The following DGKB variants were observed in gnomAD, a reference collection of about 807,000 sequenced individuals.
DGKB encodes the protein diacylglycerol kinase beta, also known as 90 kDa diacylglycerol kinase.
A neutral mutation model predicts 114.3 loss-of-function variants in DGKB; 67 were observed. The ratio of observed to expected loss-of-function variants is 0.59; its 90% CI spans 0.48 to 0.72. The LOEUF (loss-of-function observed/expected upper bound fraction) is 0.72, where lower values mean the gene tolerates loss of function less well. Ranked by LOEUF, DGKB falls within the 30% of genes least tolerant of loss-of-function variation. DGKB has a pLI of 0.00. For missense variants in DGKB, 907 were observed against 975.2 expected, an observed-to-expected ratio of 0.93 and a Z score of 0.93; for synonymous variants, 398 against 323.1, an observed-to-expected ratio of 1.23 and a Z score of -2.49.
chr7:14,188,727 A>T (rs1783856442), intron 23 of DGKB, among the ~76,000 whole-genome samples: 1 of 151,610 alleles, frequency 6.6e-6, no homozygotes. Flanking sequence ...TCTCTGAGGC[A>T]TATTATAATC....
At chr7:14,509,408 G>T (rs2128972279) in intron 20 of DGKB, among the ~76,000 whole-genome samples, 1 of 152,232 alleles carries the variant, frequency 6.6e-6, no homozygotes, top group African/African-American at 2.4e-5. Flanking sequence ...TGCTCAGGGA[G>T]ATAACACTCC....
intron 13 of DGKB, among the ~76,000 whole-genome samples, chr7:14,639,513 C>T (rs1000547216): frequency 3.9e-5 from 6 of 152,154 alleles, no homozygotes; most frequent in Non-Finnish European, 8.8e-5. Flanking sequence ...TTGCAGCCGT[C>T]CCTAAGAATT....
intron 4 of DGKB, among the ~76,000 whole-genome samples, chr7:14,738,422 A>T (rs1832065497): frequency 6.6e-6 from 1 of 152,218 alleles, no homozygotes; most frequent in African/African-American, 2.4e-5. Flanking sequence ...TACCTGGATC[A>T]ACTCTTGAAT....
chr7:14,847,329 G>A (rs182265153), intron 1 of DGKB, among the ~76,000 whole-genome samples: 2 of 149,500 alleles, frequency 1.3e-5, no homozygotes, highest in African/African-American at 4.9e-5. Flanking sequence ...AAGAATATAC[G>A]TATACTGGGT....
intron 21 of DGKB, among the ~76,000 whole-genome samples, chr7:14,399,978 G>A (rs931916270): frequency 6.6e-6 from 1 of 151,714 alleles, no homozygotes. Context: ...AAATTTTGAC[G>A]ATAAGAATAT....
At chr7:14,223,041 C>T (rs546374021) in intron 23 of DGKB, among the ~76,000 whole-genome samples, 1 of 151,636 alleles carries the variant, frequency 6.6e-6, no homozygotes, top group Admixed American at 6.6e-5. Context: ...TAAAGTGTGT[C>T]CCCTGAAGAG....
rs538471234 is a variant in DGKB, at chr7:14,293,375, G to T, written c.2122+45140C>A. On this transcript the variant is annotated intron_variant, in intron 23 of 25. Transcript: ENST00000402815. The stretch of plus-strand genomic sequence containing the variant: ...ACAAATGCAACTAAGATCTTCCAAT[G>T]ACTTCTGTTTTCTATTGCATTGCTG... Among the ~76,000 whole-genome samples, 9 of 152,154 alleles carry T rather than the reference G, an allele frequency of 5.9e-5. No individual in the cohort carries two copies. In the South Asian group the frequency reaches 1.9e-3, roughly 32 times the overall value.
chr7:14,698,842 C>T (rs1345517570), intron 7 of DGKB, among the ~76,000 whole-genome samples: 2 of 152,206 alleles, frequency 1.3e-5, no homozygotes, highest in East Asian at 1.9e-4. Flanking sequence ...TAATTTTTCT[C>T]TACCTACAGA....
intron 6 of DGKB, among the ~76,000 whole-genome samples, chr7:14,713,686 A>G (rs1303633249): frequency 1.3e-5 from 2 of 150,716 alleles, no homozygotes; most frequent in Non-Finnish European, 3.0e-5. Flanking sequence ...GATGGTCTTT[A>G]AGGTCTCTTC....
chr7:14,606,890 T>C (rs1804622174), intron 17 of DGKB, among the ~76,000 whole-genome samples: 1 of 152,098 alleles, frequency 6.6e-6, no homozygotes, highest in Admixed American at 6.6e-5. Flanking sequence ...GTATGATTTT[T>C]TTCATTAACC....
rs201890103 is a variant in DGKB, at chr7:14,697,955, TAGAA to T, written c.591+136_591+139del. 4.0e-3 allele frequency: 2,120 copies of T among 526,938 alleles called. 43 individuals carry two copies. The African/African-American group carries it at 0.056, about 14-fold the overall frequency. 32.6% of individuals were successfully genotyped at this position (526,938 alleles called of 1,614,324 possible). A position where few individuals can be genotyped will look rare whatever the true frequency, so the allele number is the denominator to read the frequency against. ...AGAGGGAGAGAAACAGAAAGGGAGA[TAGAA>T]GGAAGGAAAGAAAGAAAGAAAGAGA... is the stretch of plus-strand genomic sequence containing the variant. On this transcript the variant is annotated intron_variant, in intron 8 of 25. Transcript: ENST00000402815.
In DGKB at chr7:14,344,952, C is replaced by A. The variant is rs145087823; in HGVS notation, c.1926+349G>T. On this transcript the variant is annotated intron_variant, in intron 22 of 25. Coordinates refer to ENST00000402815, the MANE Select transcript of DGKB (RefSeq NM_001350709.2). ...TTTTAAAGGTTACAAGATATTGAGA[C>A]CCGAAAATAATATTTTTTATGTATT... 7.6e-4 allele frequency among the ~76,000 whole-genome samples: 115 copies of A among 151,674 alleles called. 1 individual carries two copies. Among genetic ancestry groups the A allele is most frequent in the Non-Finnish European group, 7.4e-4 (50 of 67,676 alleles).
At chr7:14,934,045 G>C (rs182862472) in intron 1 of DGKB, among the ~76,000 whole-genome samples, 23 of 152,062 alleles carry the variant, frequency 1.5e-4, no homozygotes, top group Non-Finnish European at 2.9e-4. Context: ...AAATACTATG[G>C]GCCTGAATAC....
At chr7:14,618,565 C>T (rs140959782) in intron 15 of DGKB, among the ~76,000 whole-genome samples, 2 of 151,610 alleles carry the variant, frequency 1.3e-5, no homozygotes, top group African/African-American at 2.4e-5. Flanking sequence ...GGTAAGAAGT[C>T]GCAGTTTCAA....
chr7:14,510,735 T>C (rs570614218), intron 20 of DGKB, among the ~76,000 whole-genome samples: 2 of 152,282 alleles, frequency 1.3e-5, no homozygotes, highest in African/African-American at 2.4e-5. Flanking sequence ...ATGACAGCTA[T>C]AGCCTTACAA....
At position 14,476,755 on chromosome 7, in the gene DGKB, A is replaced by ATTT. The variant is rs11386744; in HGVS notation, c.1835+1403_1835+1405dup. On this transcript the variant is annotated intron_variant, in intron 21 of 25. Transcript: ENST00000402815. ...GATTATGTTTTTAGTTACTAAAAAC[A>ATTT]TTTTTTTTTTTTTTTTTGAGACGGA... 2.9e-3 allele frequency among the ~76,000 whole-genome samples: 392 copies of ATTT among 135,372 alleles called. 2 individuals are homozygous for ATTT. The highest frequency in any genetic ancestry group is 9.4e-3 in the African/African-American group (346 of 36,690). 88.8% of individuals were successfully genotyped at this position (135,372 alleles called of 152,430 possible). A position where few individuals can be genotyped will look rare whatever the true frequency, so the allele number is the denominator to read the frequency against.
At chr7:14,910,122 C>T (rs574917745) in intron 1 of DGKB, among the ~76,000 whole-genome samples, 15 of 151,718 alleles carry the variant, frequency 9.9e-5, no homozygotes, top group African/African-American at 3.4e-4. Flanking sequence ...CTAATGTAGT[C>T]CCTAGCTACT....
intron 23 of DGKB, among the ~76,000 whole-genome samples, chr7:14,190,439 A>G (rs920810279): frequency 4.6e-5 from 7 of 152,124 alleles, no homozygotes; most frequent in Non-Finnish European, 8.8e-5. Context: ...ACAAAAGAAG[A>G]TTTCTATGAA....
intron 21 of DGKB, among the ~76,000 whole-genome samples, chr7:14,424,686 A>AG (rs1563156026): frequency 6.6e-6 from 1 of 152,128 alleles, no homozygotes; most frequent in East Asian, 1.9e-4. Flanking sequence ...CGGATTCCTC[A>AG]GTCCTTGTTC....
Sources: allele counts gnomAD v4.1 joint callset (sites outside exome capture counted in the v4.1 genomes callset), GRCh38; gene constraint gnomAD v4.1.1; transcripts MANE v1.5; gene names NCBI Gene and HGNC (gene_info 2026-07-23, HGNC 2026-07-21).